HSPA4L: variants seen among roughly 807,000 people sequenced by gnomAD.
HSPA4L encodes the protein heat shock protein family A (Hsp70) member 4 like, also known as heat shock 70 kDa protein 4L.
In HSPA4L, 48 loss-of-function variants were observed where a neutral mutation model predicts 100.3. The ratio of observed to expected loss-of-function variants is 0.48; its 90% CI spans 0.38 to 0.61. The LOEUF is 0.61. HSPA4L is among the 20% of genes least tolerant of loss of function. The pLI, the probability that HSPA4L is intolerant of heterozygous loss-of-function variation, is 0.00. For synonymous variants in HSPA4L, 319 were observed against 328.2 expected (o/e 0.97, Z 0.30); for missense variants, 886 against 988.6 (o/e 0.90, Z 1.39).
chr4:127,832,956 C>T lies in HSPA4L; in HGVS notation c.*82C>T, dbSNP rs1423288921. ...TTTTACATCTGGTACACACAACAGA[C>T]GCTCAGTTGTTCTTAACCACTTTTG... On this transcript the variant is annotated 3_prime_UTR_variant, in exon 19 of 19. Transcript: ENST00000296464. 1.1e-5 allele frequency: 11 copies of T among 997,626 alleles called. No homozygotes were observed. The highest frequency in any genetic ancestry group is 3.3e-5 in the African/African-American group (2 of 60,604). 61.8% of individuals were successfully genotyped at this position (997,626 alleles called of 1,614,324 possible). A position where few individuals can be genotyped will look rare whatever the true frequency, so the allele number is the denominator to read the frequency against.
At chr4:127,811,836 G>A (rs1438419942) in intron 12 of HSPA4L, among the ~76,000 whole-genome samples, 200 bp downstream of exon 12, 1 of 152,112 alleles carries the variant, frequency 6.6e-6, no homozygotes. Flanking sequence ...CTTTCACGTT[G>A]TCACATACTT....
At position 127,839,011 on chromosome 4, in the gene HSPA4L, A is replaced by G. The variant is rs146783637; in HGVS notation, c.*6137A>G. ...TTTTTTTGTATTCTGGCCTTGGAAT[A>G]CTTTAATTCCGGACCAAAAGAGGTC... On this transcript the variant is annotated 3_prime_UTR_variant, in exon 19 of 19. Transcript: ENST00000296464. The G allele has an allele frequency of 1.2e-4, 19 of 152,282 alleles. No individual in the cohort carries two copies. Among genetic ancestry groups the G allele is most frequent in the African/African-American group, 4.6e-4 (19 of 41,574 alleles). 9.4% of individuals were successfully genotyped at this position (152,282 alleles called of 1,614,324 possible). A position where few individuals can be genotyped will look rare whatever the true frequency, so the allele number is the denominator to read the frequency against.
intron 5 of HSPA4L, 126 bp from the exon 6 acceptor site, chr4:127,801,659 C>A: frequency 2.9e-6 from 2 of 690,578 alleles, no homozygotes; most frequent in South Asian, 3.7e-5. Context: ...GTGAAAAGTT[C>A]ATTTACTTTG....
intron 1 of HSPA4L, chr4:127,783,655 A>G: frequency 6.5e-7 from 1 of 1,535,636 alleles, no homozygotes; most frequent in Non-Finnish European, 8.7e-7. Context: ...CAACTGTATG[A>G]AACCTATATT....
In HSPA4L at chr4:127,796,405, A is replaced by G. The variant is rs181778552; in HGVS notation, c.306+497A>G. ...AAACATGTTTGTGCTGATTTTTTTC[A>G]AAAACTAGCCTCATAACACATGGAA... On this transcript the variant is annotated intron_variant, in intron 3 of 18. Coordinates refer to ENST00000296464, the MANE Select transcript of HSPA4L (RefSeq NM_014278.4). 1.8e-4 allele frequency among the ~76,000 whole-genome samples: 27 copies of G among 152,244 alleles called. No individual in the cohort carries two copies. The East Asian group carries it at 5.2e-3, about 29-fold the overall frequency.
intron 5 of HSPA4L, among the ~76,000 whole-genome samples, chr4:127,801,495 GTGTGTGTA>G (rs1363359526): frequency 2.0e-4 from 23 of 116,354 alleles, no homozygotes; most frequent in Admixed American, 9.4e-4. Context: ...GTGTGTGTGT[GTGTGTGTA>G]TGTACTGATT....
chr4:127,809,249 A>G (rs1286693428), intron 11 of HSPA4L: 10 of 1,399,744 alleles, frequency 7.1e-6, no homozygotes, highest in African/African-American at 4.2e-5. Context: ...AAAGAAGACT[A>G]CTTATGCAGA....
intron 1 of HSPA4L, among the ~76,000 whole-genome samples, chr4:127,784,218 A>G (rs1237817777): frequency 6.6e-6 from 1 of 152,250 alleles, no homozygotes; most frequent in Non-Finnish European, 1.5e-5. Flanking sequence ...CTCAACCTAT[A>G]GAGAAAAAAC....
rs201242875 is a variant in HSPA4L, at chr4:127,830,817, T to A, written c.2328+18T>A. The A allele has an allele frequency of 2.0e-6, 3 of 1,512,218 alleles. No homozygotes were observed. The Admixed American group carries it at 6.9e-5, about 35-fold the overall frequency. 93.7% of individuals were successfully genotyped at this position (1,512,218 alleles called of 1,614,324 possible). A position where few individuals can be genotyped will look rare whatever the true frequency, so the allele number is the denominator to read the frequency against. On this transcript the variant is annotated intron_variant, in intron 18 of 18. Coordinates refer to ENST00000296464, the MANE Select transcript of HSPA4L (RefSeq NM_014278.4). ...AGTCAAAGGTAAGAAGTTTATGAAATTGCCTTTTTAATGGTTTCAAGTATT... is the reference window on the plus strand; with the variant it reads ...AGTCAAAGGTAAGAAGTTTATGAAAATGCCTTTTTAATGGTTTCAAGTATT...
At chr4:127,810,704 C>G (rs1011448325) in intron 11 of HSPA4L, among the ~76,000 whole-genome samples, 1 of 152,088 alleles carries the variant, frequency 6.6e-6, no homozygotes, top group Admixed American at 6.5e-5. Flanking sequence ...GCTGCAGTGA[C>G]CTATGATCCT....
chr4:127,821,432 G>A (rs933269558), intron 14 of HSPA4L, among the ~76,000 whole-genome samples: 6 of 152,056 alleles, frequency 3.9e-5, no homozygotes, highest in Non-Finnish European at 8.8e-5. Flanking sequence ...GATTCTTAAC[G>A]TTTACATGTG....
chr4:127,795,430 T>C (rs1560653351), intron 2 of HSPA4L, among the ~76,000 whole-genome samples: 1 of 152,158 alleles, frequency 6.6e-6, no homozygotes, highest in African/African-American at 2.4e-5. Context: ...CTCGTACTAA[T>C]TCACTAGAGC....
chr4:127,823,287 T>C (rs1733861037), intron 15 of HSPA4L, among the ~76,000 whole-genome samples: 1 of 152,166 alleles, frequency 6.6e-6, no homozygotes, highest in Non-Finnish European at 1.5e-5. Flanking sequence ...TAGATGGGAA[T>C]ACAGGCACAT....
intron 14 of HSPA4L, 47 bp from the exon 15 acceptor site, chr4:127,822,722 C>G: frequency 1.3e-6 from 2 of 1,588,746 alleles, no homozygotes; most frequent in Non-Finnish European, 1.7e-6. Flanking sequence ...ATTTCTATTT[C>G]CCTAATGCAT....
At chr4:127,794,855 A>G (rs1237666514) in intron 2 of HSPA4L, among the ~76,000 whole-genome samples, 1 of 152,114 alleles carries the variant, frequency 6.6e-6, no homozygotes, top group East Asian at 1.9e-4. Flanking sequence ...TTTTCATGTC[A>G]TAATTGAAGA....
intron 1 of HSPA4L, among the ~76,000 whole-genome samples, chr4:127,793,077 G>A (rs912963543): frequency 1.3e-5 from 2 of 152,082 alleles, no homozygotes; most frequent in African/African-American, 4.8e-5. Flanking sequence ...TTGTGAGATA[G>A]GGCACCATTG....
At chr4:127,798,758 T>G (rs1196891030) in intron 4 of HSPA4L, 49 bp downstream of exon 4, 1 of 1,536,608 alleles carries the variant, frequency 6.5e-7, no homozygotes, top group East Asian at 2.3e-5. Context: ...TTTTACAGTG[T>G]ATTAATGTAA....
At chr4:127,807,454 A>G (rs1015321541) in intron 10 of HSPA4L, among the ~76,000 whole-genome samples, 4 of 152,110 alleles carry the variant, frequency 2.6e-5, no homozygotes, top group Non-Finnish European at 4.4e-5. Flanking sequence ...TAATGTATGT[A>G]TAACCCTCGG....
intron 1 of HSPA4L, chr4:127,783,475 T>C: frequency 7.0e-7 from 1 of 1,433,180 alleles, no homozygotes; most frequent in Non-Finnish European, 9.1e-7. Context: ...GAACGCTTAA[T>C]GAAAGGCTTA....
Sources: allele counts gnomAD v4.1 joint callset (sites outside exome capture counted in the v4.1 genomes callset), GRCh38; gene constraint gnomAD v4.1.1; transcripts MANE v1.5; gene names NCBI Gene and HGNC (gene_info 2026-07-23, HGNC 2026-07-21).